Variants in C1QBP observed in about 807,000 individuals in gnomAD.
The protein encoded by C1QBP is complement component 1 Q subcomponent-binding protein, mitochondrial.
Under a neutral mutation model 29.4 loss-of-function variants are expected in C1QBP, and 24 were observed. That is an observed-to-expected ratio of 0.82 (90% CI 0.59 to 1.15). C1QBP has a LOEUF of 1.15. Among genes scored for constraint, C1QBP ranks in the 50% most tolerant of loss-of-function variants. The probability of loss-of-function intolerance (pLI) is 0.00; values close to 1 mark genes in which losing one functional copy is unlikely to be tolerated. For missense variants in C1QBP, 337 were observed against 355.8 expected, an observed-to-expected ratio of 0.95 and a Z score of 0.43; for synonymous variants, 182 against 149.2, an observed-to-expected ratio of 1.22 and a Z score of -1.60.
At chr17:5,434,464 C>CTCTT (rs1263270149) in intron 3 of C1QBP, among the ~76,000 whole-genome samples, 29 of 97,844 alleles carry the variant, frequency 3.0e-4, no homozygotes, top group Admixed American at 8.5e-4. Flanking sequence ...TTCTCTCTCT[C>CTCTT]TTTTTTTTTT....
chr17:5,439,046 G>C lies in C1QBP; in HGVS notation c.28C>G (p.Arg10Gly), dbSNP rs1221901743. The part of the protein sequence containing the change: MLPLLRCVP[R>G]VLGSSVAGLR... ...CCGGCGACGGAGGAGCCCAGCACAC[G>C]GGGCACGCAGCGCAGCAGAGGCAGC... Residue 10 changes from arginine to glycine, a missense_variant, in exon 1 of 6, where the codon CGT becomes GGT. Arg to Gly is a moderately radical substitution (Grantham distance 125). Coordinates refer to ENST00000225698, the MANE Select transcript of C1QBP (RefSeq NM_001212.4). 3.3e-6 allele frequency: 5 copies of C among 1,527,246 alleles called. No individual in the cohort carries two copies. The highest frequency in any genetic ancestry group is 2.0e-5 in the Admixed American group (1 of 49,556). 94.6% of individuals were successfully genotyped at this position (1,527,246 alleles called of 1,614,324 possible). A position where few individuals can be genotyped will look rare whatever the true frequency, so the allele number is the denominator to read the frequency against.
At chr17:5,437,495 C>A (rs1916306228) in intron 2 of C1QBP, among the ~76,000 whole-genome samples, 1 of 152,168 alleles carries the variant, frequency 6.6e-6, no homozygotes, top group Non-Finnish European at 1.5e-5. Context: ...TGCCACCATA[C>A]CCGGTTAATT....
intron 2 of C1QBP, among the ~76,000 whole-genome samples, 164 bp downstream of exon 2, chr17:5,437,959 A>C (rs540391445): frequency 1.3e-5 from 2 of 152,296 alleles, no homozygotes; most frequent in Admixed American, 1.3e-4. Context: ...CGGTGAATGG[A>C]CTGCCTGGGG....
Position 5,439,077 on chromosome 17 carries a change from G to C in C1QBP, c.-4C>G. ...CGCAGCGCAGCAGAGGCAGCATCGC[G>C]GAAACGACTGCGAACACGTGCAGAT... On this transcript the variant is annotated 5_prime_UTR_variant, in exon 1 of 6. Coordinates refer to ENST00000225698, the MANE Select transcript of C1QBP (RefSeq NM_001212.4). 6.5e-7 allele frequency: 1 copy of C among 1,540,246 alleles called. No homozygotes were observed. Among genetic ancestry groups the C allele is most frequent in the Non-Finnish European group, 8.7e-7 (1 of 1,143,192 alleles).
At position 5,439,057 on chromosome 17, in the gene C1QBP, C is replaced by A. The variant is rs56242428; in HGVS notation, c.17G>T (p.Arg6Leu). The A allele has an allele frequency of 7.8e-4, 1,198 of 1,536,818 alleles. 1 individual carries two copies. The highest frequency in any genetic ancestry group is 2.7e-3 in the Admixed American group (136 of 50,438). ...GGAGCCCAGCACACGGGGCACGCAG[C>A]GCAGCAGAGGCAGCATCGCGGAAAC... MLPLL[R>L]CVPRVLGSSV... The change falls in exon 1 of 6, where the codon CGC becomes CTC. Residue 6 changes from arginine (R) to leucine (L), a missense_variant. Transcript: ENST00000225698.
intron 3 of C1QBP, among the ~76,000 whole-genome samples, chr17:5,434,438 T>C (rs181255182): frequency 6.6e-6 from 1 of 151,376 alleles, no homozygotes; most frequent in Admixed American, 6.6e-5. Context: ...AGTTAAAGTC[T>C]CTTATGCCCC....
In C1QBP at chr17:5,433,275, A is replaced by C. The variant is rs1916153569; in HGVS notation, c.699+18T>G. ...CTTCCAAGGCCCAAAAGGTTCCCCC[A>C]CCTTATCAAGCACTCACCCAGTCCA... On this transcript the variant is annotated intron_variant, in intron 5 of 5. Transcript: ENST00000225698. 6.2e-7 allele frequency: 1 copy of C among 1,613,942 alleles called. No individual in the cohort carries two copies. Among genetic ancestry groups the C allele is most frequent in the Non-Finnish European group, 8.5e-7 (1 of 1,179,998 alleles).
Position 5,438,242 on chromosome 17 carries a change from A to T in C1QBP, c.264T>A (p.Asp88Glu). The T allele has an allele frequency of 6.2e-7, 1 of 1,614,112 alleles. No individual in the cohort carries two copies. Among genetic ancestry groups the T allele is most frequent in the Non-Finnish European group, 8.5e-7 (1 of 1,179,996 alleles). ...GDKAFVDFLS[D>E]EIKEERKIQK... ...GAATTTTTCTTTCCTCCTTAATTTC[A>T]TCACTCAGGAAATCAACAAAAGCTT... The change falls in exon 2 of 6, where the codon GAT becomes GAA. Residue 88 changes from aspartate to glutamate, a missense_variant. By Grantham distance (45) the Asp-to-Glu change is conservative (BLOSUM62 2). Coordinates refer to ENST00000225698, the MANE Select transcript of C1QBP (RefSeq NM_001212.4).
chr17:5,433,442 G>A (rs771771612), intron 4 of C1QBP, 27 bp from the exon 5 acceptor site: 2 of 1,613,890 alleles, frequency 1.2e-6, no homozygotes, highest in Non-Finnish European at 1.7e-6. Context: ...TTGGGAAACT[G>A]AAGGGTTCTC....
At chr17:5,433,538 C>T (rs1916169197) in intron 4 of C1QBP, 123 bp from the exon 5 acceptor site, 1 of 1,508,404 alleles carries the variant, frequency 6.6e-7, no homozygotes, top group African/African-American at 1.4e-5. Flanking sequence ...TCACTCCCCA[C>T]CTCTCTCCCC....
In C1QBP at chr17:5,432,900, T is replaced by C; in HGVS notation, c.*115A>G. 3 of 1,262,572 alleles carry C rather than the reference T, an allele frequency of 2.4e-6. No individual in the cohort carries two copies. In the South Asian group the frequency reaches 4.9e-5, roughly 21 times the overall value. 78.2% of individuals were successfully genotyped at this position (1,262,572 alleles called of 1,614,324 possible). On this transcript the variant is annotated 3_prime_UTR_variant, in exon 6 of 6. Transcript: ENST00000225698. Reference sequence around the variant, plus strand: ...ACATATAATTTAAATTTGGTATTTTTTCCCCCATGATATTAGGATGATAAT... The same window carrying C: ...ACATATAATTTAAATTTGGTATTTTCTCCCCCATGATATTAGGATGATAAT...
At chr17:5,436,751 G>A (rs1916282347) in intron 2 of C1QBP, among the ~76,000 whole-genome samples, 1 of 152,100 alleles carries the variant, frequency 6.6e-6, no homozygotes, top group Non-Finnish European at 1.5e-5. Context: ...TGGGCAGGGT[G>A]GCTCACACCT....
chr17:5,434,773 A>ATT (rs59609565), intron 3 of C1QBP, 100 bp downstream of exon 3: 46 of 933,310 alleles, frequency 4.9e-5, no homozygotes, highest in Non-Finnish European at 5.7e-5. Flanking sequence ...ACTTAGAGGA[A>ATT]TTTTTTTTTT....
Position 5,437,009 on chromosome 17 carries a change from T to TG in C1QBP, c.383+1113dup, listed in dbSNP as rs531691792. On this transcript the variant is annotated intron_variant, in intron 2 of 5. Transcript: ENST00000225698. Reference sequence around the variant, plus strand: ...GTGACAGAGCAAGACTCCGTGGGGTTGGGGGGGGAAGCTACAAATTGTATG... The same window carrying TG: ...GTGACAGAGCAAGACTCCGTGGGGTTGGGGGGGGGAAGCTACAAATTGTATG... Among the ~76,000 whole-genome samples the TG allele has an allele frequency of 3.6e-3, 551 of 151,564 alleles. 3 individuals are homozygous for TG. The highest frequency in any genetic ancestry group is 0.012 in the African/African-American group (495 of 41,294).
At chr17:5,438,009 A>T (rs1445105791) in intron 2 of C1QBP, 114 bp downstream of exon 2, 1 of 1,365,540 alleles carries the variant, frequency 7.3e-7, no homozygotes, top group Non-Finnish European at 9.8e-7. Flanking sequence ...CTCTCTTGAA[A>T]CCCATTTATC....
At chr17:5,438,389 G>A (rs1916331980) in intron 1 of C1QBP, 116 bp from the exon 2 acceptor site, 2 of 1,253,400 alleles carry the variant, frequency 1.6e-6, no homozygotes, top group Non-Finnish European at 2.2e-6. Context: ...CTGCTATTAC[G>A]GTTACTCTAG....
Position 5,439,125 on chromosome 17 carries a change from G to A in C1QBP, c.-52C>T, listed in dbSNP as rs936396020. 2.0e-6 allele frequency: 3 copies of A among 1,533,678 alleles called. No individual in the cohort carries two copies. The highest frequency in any genetic ancestry group is 1.4e-5 in the African/African-American group (1 of 71,154). The stretch of plus-strand genomic sequence containing the variant: ...GATGCAAAGGACAACCCAGGCCTAG[G>A]CGCCCCGCGACCTGAGGCGCCGCCG... On this transcript the variant is annotated 5_prime_UTR_variant, in exon 1 of 6. Coordinates refer to ENST00000225698, the MANE Select transcript of C1QBP (RefSeq NM_001212.4).
chr17:5,435,250 C>T (rs1916239024), intron 2 of C1QBP, among the ~76,000 whole-genome samples: 1 of 152,186 alleles, frequency 6.6e-6, no homozygotes, highest in African/African-American at 2.4e-5. Flanking sequence ...GCATGGGTTA[C>T]TCCCAACAGG....
rs1916138158 is a variant in C1QBP, at chr17:5,433,059, T to C, written c.805A>G (p.Ile269Val). 1.9e-6 allele frequency: 3 copies of C among 1,614,054 alleles called. No homozygotes were observed. The highest frequency in any genetic ancestry group is 2.2e-5 in the South Asian group (2 of 91,034). The change falls in exon 6 of 6, where the codon ATT becomes GTT. Residue 269 changes from isoleucine to valine, a missense_variant. By Grantham distance (29) the Ile-to-Val change is conservative. Transcript: ENST00000225698. ...LSTALEHQEY[I>V]TFLEDLKSFV... ...CTCTTGAGGTCTTCAAGAAAAGTAATGTACTCCTGGTGCTCCAGGGCTGTG... is the reference window on the plus strand; with the variant it reads ...CTCTTGAGGTCTTCAAGAAAAGTAACGTACTCCTGGTGCTCCAGGGCTGTG...
Sources: gnomAD v4.1 joint callset for allele counts (sites outside exome capture counted in the v4.1 genomes callset) on GRCh38, gnomAD v4.1.1 for gene constraint, MANE v1.5 for transcripts, NCBI Gene and HGNC (gene_info 2026-07-23, HGNC 2026-07-21) for gene names.